LXN: variants seen among roughly 807,000 people sequenced by gnomAD.
The protein encoded by LXN is latexin.
Under a neutral mutation model 29.8 loss-of-function variants are expected in LXN, and 28 were observed. The observed-to-expected ratio is 0.94, with a 90% confidence interval of 0.70 to 1.29. The LOEUF (loss-of-function observed/expected upper bound fraction) is 1.29. Among genes scored for constraint, LXN ranks in the 50% most tolerant of loss-of-function variants. LXN has a pLI of 0.00. For synonymous variants in LXN, 77 were observed against 89.6 expected (o/e 0.86, Z 0.80); for missense variants, 227 against 261.7 (o/e 0.87, Z 0.92).
chr3:158,669,516 C>T lies in LXN; in HGVS notation c.287G>A (p.Gly96Glu), dbSNP rs557001821. 8 of 1,613,924 alleles carry T rather than the reference C, an allele frequency of 5.0e-6. No homozygotes were observed. Among genetic ancestry groups the T allele is most frequent in the Non-Finnish European group, 6.8e-6 (8 of 1,179,912 alleles). Residue 96 changes from glycine (G) to glutamate (E), a missense_variant, in exon 3 of 6, where the codon GGA becomes GAA. Gly to Glu is a moderately conservative substitution (Grantham distance 98, BLOSUM62 -2). Transcript: ENST00000264265. ...EVNFTFEGET[G>E]KNPDEEDNTF... ...GTTGTCTTCTTCATCTGGATTCTTT[C>T]CAGTTTCTCCTTCAAATGTGAAGTT...
chr3:158,668,315 T>C (rs1242696258), intron 4 of LXN, among the ~76,000 whole-genome samples: 1 of 152,184 alleles, frequency 6.6e-6, no homozygotes, highest in Non-Finnish European at 1.5e-5. Context: ...ATAGTTGTTA[T>C]ATTACTTAGG....
At chr3:158,667,540 C>A (rs945387395) in intron 4 of LXN, among the ~76,000 whole-genome samples, 1 of 152,184 alleles carries the variant, frequency 6.6e-6, no homozygotes, top group Admixed American at 6.5e-5. Context: ...AATCCGAGCA[C>A]TTTGCGGGGC....
At chr3:158,667,291 T>C (rs1576759325) in intron 4 of LXN, among the ~76,000 whole-genome samples, 2 of 152,256 alleles carry the variant, frequency 1.3e-5, no homozygotes, top group East Asian at 1.9e-4. Flanking sequence ...CATGATCTTA[T>C]ATTTGTTCCC....
rs1241977815 is a variant in LXN at position 158,669,111 on chromosome 3, G to A, written c.392C>T (p.Pro131Leu). The A allele has an allele frequency of 1.9e-6, 3 of 1,613,186 alleles. No individual in the cohort carries two copies. In the African/African-American group the frequency reaches 4.0e-5, roughly 22 times the overall value. Residue 131 changes from proline (P) to leucine (L), a missense_variant, in exon 4 of 6, where the codon CCA (proline) becomes CTA (leucine). Pro to Leu is a moderately conservative substitution (Grantham distance 98). Transcript: ENST00000264265. Reference sequence around the variant, plus strand: ...TAAATGTAGAACGAGCGTCATTTCTGGAGATACATTTCCAAAATTGTCTGG... The same window carrying A: ...TAAATGTAGAACGAGCGTCATTTCTAGAGATACATTTCCAAAATTGTCTGG... ...NIPDNFGNVS[P>L]EMTLVLHLAW...
rs1399504119 is a variant in LXN, at chr3:158,672,640, C to G, written c.-162G>C. 11 of 808,018 alleles carry G rather than the reference C, an allele frequency of 1.4e-5. No homozygotes were observed. The highest frequency in any genetic ancestry group is 3.5e-5 in the African/African-American group (2 of 57,624). The allele number at this position is 808,018 out of a possible 1,614,324, so 50.1% of individuals were successfully genotyped here. ...CCTCAGCTCCTTCCGACTCCGGAAG[C>G]TGCTGTTTGGGCCCAGGCTCCCTGC... is the stretch of plus-strand genomic sequence containing the variant. On this transcript the variant is annotated 5_prime_UTR_variant, in exon 1 of 6. Coordinates refer to ENST00000264265, the MANE Select transcript of LXN (RefSeq NM_020169.4).
At chr3:158,671,359 A>G (rs969672543) in intron 1 of LXN, among the ~76,000 whole-genome samples, 1 of 152,234 alleles carries the variant, frequency 6.6e-6, no homozygotes, top group Non-Finnish European at 1.5e-5. Context: ...AAAGATGACA[A>G]TATCACCTTT....
intron 4 of LXN, among the ~76,000 whole-genome samples, chr3:158,667,702 C>T (rs550342426): frequency 3.3e-5 from 5 of 152,142 alleles, no homozygotes; most frequent in East Asian, 3.9e-4. Flanking sequence ...GTGGGAGGAC[C>T]GCCTGAGCCT....
Position 158,672,613 on chromosome 3 carries a change from T to G in LXN, c.-135A>C. The G allele has an allele frequency of 9.9e-7, 1 of 1,012,036 alleles. No homozygotes were observed. Among genetic ancestry groups the G allele is most frequent in the Non-Finnish European group, 1.4e-6 (1 of 695,748 alleles). The allele number at this position is 1,012,036 out of a possible 1,614,324, so 62.7% of individuals were successfully genotyped here. On this transcript the variant is annotated 5_prime_UTR_variant, in exon 1 of 6. Coordinates refer to ENST00000264265, the MANE Select transcript of LXN (RefSeq NM_020169.4). The stretch of plus-strand genomic sequence containing the variant: ...TCGCAAGCTCCTTCAGTCAGTCTTC[T>G]TCCTCAGCTCCTTCCGACTCCGGAA...
At chr3:158,672,263 G>C in intron 1 of LXN, 87 bp downstream of exon 1, 1 of 1,535,802 alleles carries the variant, frequency 6.5e-7, no homozygotes, top group East Asian at 2.3e-5. Flanking sequence ...GGCACGGAGT[G>C]TCTGCACCCA....
At chr3:158,667,567 C>T (rs1283605327) in intron 4 of LXN, among the ~76,000 whole-genome samples, 1 of 152,184 alleles carries the variant, frequency 6.6e-6, no homozygotes, top group Non-Finnish European at 1.5e-5. Flanking sequence ...AGGCAACTTG[C>T]CTGAGCCTAG....
rs1245829688 is a variant in LXN at position 158,669,626 on chromosome 3, C to G, written c.193-16G>C. 6.2e-7 allele frequency: 1 copy of G among 1,610,596 alleles called. No homozygotes were observed. Among genetic ancestry groups the G allele is most frequent in the East Asian group, 2.2e-5 (1 of 44,812 alleles). ...CCTTAACTTGCTGTTTGAAATTTAG[C>G]AAAATATCCTTATATACAGAAGGCT... On this transcript the variant is annotated splice_polypyrimidine_tract_variant and intron_variant, in intron 2 of 5. Transcript: ENST00000264265.
Position 158,671,036 on chromosome 3 carries a change from G to A in LXN, c.130-17C>T, listed in dbSNP as rs766856390. 1 of 1,508,680 alleles carries A rather than the reference G, an allele frequency of 6.6e-7. No homozygotes were observed. Among genetic ancestry groups the A allele is most frequent in the South Asian group, 1.3e-5 (1 of 76,468 alleles). 93.5% of individuals were successfully genotyped at this position (1,508,680 alleles called of 1,614,324 possible). On this transcript the variant is annotated splice_polypyrimidine_tract_variant and intron_variant, in intron 1 of 5. Transcript: ENST00000264265. Reference sequence around the variant, plus strand: ...TGGAATATCCTAAAATTAAGAAAATGTAGTGGAGACAAGAAAATATTATAA... The same window carrying A: ...TGGAATATCCTAAAATTAAGAAAATATAGTGGAGACAAGAAAATATTATAA...
rs142632081 is a variant in LXN at position 158,668,438 on chromosome 3, T to C, written c.507+558A>G. ...TTTGTATCCATAGATGCAGAACCCA[T>C]GGAGAGGCCTGACTGTATATTGTAC... On this transcript the variant is annotated intron_variant, in intron 4 of 5. Coordinates refer to ENST00000264265, the MANE Select transcript of LXN (RefSeq NM_020169.4). Among the ~76,000 whole-genome samples, 536 of 152,294 alleles carry C rather than the reference T, an allele frequency of 3.5e-3. 3 individuals carry two copies. The highest frequency in any genetic ancestry group is 0.012 in the African/African-American group (511 of 41,566).
At position 158,672,480 on chromosome 3, in the gene LXN, C is replaced by T; in HGVS notation, c.-2G>A. 6.2e-7 allele frequency: 1 copy of T among 1,613,862 alleles called. No homozygotes were observed. Among genetic ancestry groups the T allele is most frequent in the Non-Finnish European group, 8.5e-7 (1 of 1,179,840 alleles). ...GTAGTTGGTCGGCGGGATTTCCATT[C>T]CGGATGAGCAGTGACTTCAGGGCTT... On this transcript the variant is annotated 5_prime_UTR_variant, in exon 1 of 6. Coordinates refer to ENST00000264265, the MANE Select transcript of LXN (RefSeq NM_020169.4).
Position 158,672,515 on chromosome 3 carries a change from T to G in LXN, c.-37A>C. The G allele has an allele frequency of 2.5e-6, 4 of 1,611,734 alleles. No homozygotes were observed. Among genetic ancestry groups the G allele is most frequent in the Non-Finnish European group, 3.4e-6 (4 of 1,178,596 alleles). Reference sequence around the variant, plus strand: ...AGTGACTTCAGGGCTTGGGCTACTCTGGCTTAACGGGACCAGTAGCAGAGC... The same window carrying G: ...AGTGACTTCAGGGCTTGGGCTACTCGGGCTTAACGGGACCAGTAGCAGAGC... On this transcript the variant is annotated 5_prime_UTR_variant, in exon 1 of 6. Coordinates refer to ENST00000264265, the MANE Select transcript of LXN (RefSeq NM_020169.4).
chr3:158,667,155 G>T, intron 4 of LXN, 81 bp from the exon 5 acceptor site: 1 of 1,335,956 alleles, frequency 7.5e-7, no homozygotes, highest in South Asian at 1.5e-5. Context: ...AATCATCTTT[G>T]ATTAGATGAA....
chr3:158,666,843 A>G lies in LXN; in HGVS notation c.571-99T>C. ...TGTTAGAGATAAAACAGTCTTCACA[A>G]AGAATAGTACTTTTGTTAAATTGCT... is the stretch of plus-strand genomic sequence containing the variant. On this transcript the variant is annotated intron_variant, in intron 5 of 5. Transcript: ENST00000264265. 3 of 1,431,836 alleles carry G rather than the reference A, an allele frequency of 2.1e-6. No individual in the cohort carries two copies. The East Asian group carries it at 7.1e-5, about 34-fold the overall frequency. 88.7% of individuals were successfully genotyped at this position (1,431,836 alleles called of 1,614,324 possible). A position where few individuals can be genotyped will look rare whatever the true frequency, so the allele number is the denominator to read the frequency against.
At chr3:158,670,135 A>G (rs1724138627) in intron 2 of LXN, among the ~76,000 whole-genome samples, 1 of 152,222 alleles carries the variant, frequency 6.6e-6, no homozygotes, top group Non-Finnish European at 1.5e-5. Flanking sequence ...TATGCTCAAC[A>G]GAAAGGCAAG....
chr3:158,667,076 T>A lies in LXN; in HGVS notation c.508-2A>T. The A allele has an allele frequency of 6.3e-7, 1 of 1,578,326 alleles. No individual in the cohort carries two copies. Among genetic ancestry groups the A allele is most frequent in the Non-Finnish European group, 8.6e-7 (1 of 1,168,086 alleles). Reference sequence around the variant, plus strand: ...TTCAATAAAGTCATCATTTCTTTGCTATGACAAAAAATAAAAACGTGTTGT... The same window carrying A: ...TTCAATAAAGTCATCATTTCTTTGCAATGACAAAAAATAAAAACGTGTTGT... On this transcript the variant is annotated splice_acceptor_variant, in intron 4 of 5. Coordinates refer to ENST00000264265, the MANE Select transcript of LXN (RefSeq NM_020169.4). LOFTEE classifies it high-confidence loss of function.
Sources: gnomAD v4.1 joint callset for allele counts (sites outside exome capture counted in the v4.1 genomes callset) on GRCh38, gnomAD v4.1.1 for gene constraint, MANE v1.5 for transcripts, NCBI Gene and HGNC (gene_info 2026-07-23, HGNC 2026-07-21) for gene names.